PARD3: variants seen among roughly 807,000 people sequenced by gnomAD.
PARD3 encodes partitioning defective 3 homolog.
PARD3 carries 75 observed loss-of-function variants against 155.4 expected under a neutral mutation model. The observed-to-expected ratio is 0.48, with a 90% CI of 0.40 to 0.58. The LOEUF is 0.58. Among genes scored for constraint, PARD3 ranks in the 20% least tolerant of loss-of-function variants. The probability of loss-of-function intolerance (pLI) is 0.00; values close to 1 mark genes in which losing one functional copy is unlikely to be tolerated. For synonymous variants in PARD3, 576 were observed against 610.5 expected, an observed-to-expected ratio of 0.94 and a Z score of 0.83; for missense variants, 1,642 against 1,721.7, an observed-to-expected ratio of 0.95 and a Z score of 0.82.
chr10:34,209,887 T>C (rs1031721599), intron 22 of PARD3, among the ~76,000 whole-genome samples: 1 of 152,222 alleles, frequency 6.6e-6, no homozygotes, highest in African/African-American at 2.4e-5. Context: ...AAGATATTTA[T>C]GGATAGAAAT....
chr10:34,603,374 AG>A (rs1424398940), intron 2 of PARD3, among the ~76,000 whole-genome samples: 4 of 152,118 alleles, frequency 2.6e-5, no homozygotes, highest in Non-Finnish European at 5.9e-5. Context: ...CAAGAGCCCC[AG>A]GGGTTAATGT....
intron 2 of PARD3, among the ~76,000 whole-genome samples, chr10:34,576,641 A>G (rs1359150812): frequency 6.6e-6 from 1 of 152,192 alleles, no homozygotes; most frequent in Non-Finnish European, 1.5e-5. Flanking sequence ...TGCACTAATC[A>G]GAACTCTATT....
rs2075419651 is a variant in PARD3, at chr10:34,423,371, GA to G, written c.715-21455del. On this transcript the variant is annotated intron_variant, in intron 5 of 24. Coordinates refer to ENST00000374788, the MANE Select transcript of PARD3 (RefSeq NM_001184785.2). ...AAGTATACAAAATTTCCATTAGGAG[GA>G]AAAAGTTCAAGAGATCTACTGTACA... 2.0e-5 allele frequency among the ~76,000 whole-genome samples: 3 copies of G among 152,146 alleles called. No homozygotes were observed. The South Asian group carries it at 6.2e-4, about 32-fold the overall frequency.
intron 2 of PARD3, among the ~76,000 whole-genome samples, chr10:34,519,304 G>T (rs1589855963): frequency 6.6e-6 from 1 of 152,182 alleles, no homozygotes; most frequent in South Asian, 2.1e-4. Context: ...TTTGATAATT[G>T]TTCTATGATT....
intron 12 of PARD3, among the ~76,000 whole-genome samples, chr10:34,370,322 C>G (rs1048368255): frequency 1.3e-5 from 2 of 152,176 alleles, no homozygotes; most frequent in African/African-American, 4.8e-5. Context: ...AACTGAAATG[C>G]AGCTTGCATT....
At chr10:34,360,578 A>G (rs1839347627) in intron 12 of PARD3, among the ~76,000 whole-genome samples, 1 of 152,238 alleles carries the variant, frequency 6.6e-6, no homozygotes, top group Non-Finnish European at 1.5e-5. Context: ...TGGTGTAATC[A>G]TATATTCTAA....
chr10:34,541,876 G>T (rs2083633210), intron 2 of PARD3, among the ~76,000 whole-genome samples: 1 of 151,864 alleles, frequency 6.6e-6, no homozygotes, highest in South Asian at 2.1e-4. Context: ...ACCCACATAC[G>T]TTTTTTGGGT....
intron 20 of PARD3, among the ~76,000 whole-genome samples, chr10:34,291,867 C>T (rs1199050580): frequency 6.6e-6 from 1 of 152,144 alleles, no homozygotes; most frequent in African/African-American, 2.4e-5. Context: ...GGCAACAGAG[C>T]GAGGCTACCC....
At chr10:34,271,159 T>C (rs1359340382) in intron 21 of PARD3, among the ~76,000 whole-genome samples, 1 of 152,058 alleles carries the variant, frequency 6.6e-6, no homozygotes, top group East Asian at 1.9e-4. Flanking sequence ...AGACCTCTGC[T>C]AGCAAAAACA....
chr10:34,544,241 G>T (rs1376385703), intron 2 of PARD3, among the ~76,000 whole-genome samples: 2 of 151,978 alleles, frequency 1.3e-5, no homozygotes, highest in African/African-American at 4.8e-5. Flanking sequence ...CCACATTCAA[G>T]GAAAATGTTT....
At chr10:34,411,118 C>T (rs1224998707) in intron 5 of PARD3, among the ~76,000 whole-genome samples, 2 of 152,180 alleles carry the variant, frequency 1.3e-5, no homozygotes, top group Admixed American at 1.3e-4. Context: ...TTAGATCCTT[C>T]TCAGTTCTTA....
chr10:34,752,475 T>C (rs867101269), intron 1 of PARD3, among the ~76,000 whole-genome samples: 4 of 151,454 alleles, frequency 2.6e-5, no homozygotes, highest in African/African-American at 9.7e-5. Context: ...ATATTATTTA[T>C]AAGCTTTTAA....
At chr10:34,328,925 A>G (rs940989668) in intron 19 of PARD3, among the ~76,000 whole-genome samples, 2 of 152,220 alleles carry the variant, frequency 1.3e-5, no homozygotes, top group African/African-American at 2.4e-5. Context: ...CTTTTGAAAA[A>G]TACAACATTT....
chr10:34,434,162 G>C (rs2076079510), intron 5 of PARD3, among the ~76,000 whole-genome samples: 1 of 152,154 alleles, frequency 6.6e-6, no homozygotes, highest in South Asian at 2.1e-4. Flanking sequence ...CATGTTCAAA[G>C]ACCCAGAGAT....
At position 34,684,808 on chromosome 10, in the gene PARD3, CACACACACACACACACACACACAT is replaced by C. The variant is rs2093917406; in HGVS notation, c.222+11486_222+11509del. ...ACACACACACACACACACACACACA[CACACACACACACACACACACACAT>C]ATATACACACACACATATATATACA... On this transcript the variant is annotated intron_variant, in intron 2 of 24. Transcript: ENST00000374788. Among the ~76,000 whole-genome samples the C allele has an allele frequency of 3.2e-5, 4 of 124,608 alleles. No homozygotes were observed. In the Middle Eastern group the frequency reaches 0.011, roughly 351 times the overall value. The allele number at this position is 124,608 out of a possible 152,430, so 81.7% of individuals were successfully genotyped here.
At chr10:34,225,985 A>G (rs1164866529) in intron 22 of PARD3, among the ~76,000 whole-genome samples, 1 of 152,206 alleles carries the variant, frequency 6.6e-6, no homozygotes, top group Non-Finnish European at 1.5e-5. Flanking sequence ...TTAAAAAAAT[A>G]AAAAATACAT....
chr10:34,234,099 C>A (rs905187008), intron 22 of PARD3, among the ~76,000 whole-genome samples: 1 of 145,190 alleles, frequency 6.9e-6, no homozygotes, highest in African/African-American at 2.5e-5. Flanking sequence ...ACTGATAAAA[C>A]TACTTTGGCT....
intron 2 of PARD3, among the ~76,000 whole-genome samples, chr10:34,603,939 G>A (rs1564402611): frequency 6.6e-6 from 1 of 152,048 alleles, no homozygotes; most frequent in Non-Finnish European, 1.5e-5. Context: ...GGAGTAAGGC[G>A]GTGACGGTCA....
intron 2 of PARD3, among the ~76,000 whole-genome samples, chr10:34,592,088 A>C (rs1421261859): frequency 6.6e-6 from 1 of 151,018 alleles, no homozygotes; most frequent in Non-Finnish European, 1.5e-5. Flanking sequence ...ACACAGACCC[A>C]AACTTTAGGC....
Sources: allele counts gnomAD v4.1 joint callset (sites outside exome capture counted in the v4.1 genomes callset), GRCh38; gene constraint gnomAD v4.1.1; transcripts MANE v1.5; gene names NCBI Gene and HGNC (gene_info 2026-07-23, HGNC 2026-07-21).